PLEKHA8: variants seen among roughly 807,000 people sequenced by gnomAD.
The protein encoded by PLEKHA8 is pleckstrin homology domain containing A8, also known as pleckstrin homology domain-containing family A member 8.
PLEKHA8 carries 36 observed loss-of-function variants against 68.2 expected under a neutral mutation model. The ratio of observed to expected loss-of-function variants is 0.53; its 90% CI spans 0.40 to 0.70. PLEKHA8 has a LOEUF of 0.70. PLEKHA8 is among the 30% of genes least tolerant of loss of function. The pLI, the probability that PLEKHA8 is intolerant of heterozygous loss-of-function variation, is 0.00. For missense variants in PLEKHA8, 505 were observed against 615.4 expected (o/e 0.82, Z 1.90); for synonymous variants, 211 against 216.1 (o/e 0.98, Z 0.20).
intron 13 of PLEKHA8, among the ~76,000 whole-genome samples, chr7:30,111,299 G>A (rs1010470228): frequency 2.6e-5 from 4 of 152,002 alleles, no homozygotes; most frequent in Non-Finnish European, 4.4e-5. Flanking sequence ...GAAAATGTTT[G>A]TCAAAAATCA....
chr7:30,125,129 A>G (rs1796752435), intron 13 of PLEKHA8, among the ~76,000 whole-genome samples: 1 of 152,122 alleles, frequency 6.6e-6, no homozygotes, highest in African/African-American at 2.4e-5. Context: ...AAAATCACAA[A>G]CTTGTTTCTT....
chr7:30,118,208 T>C (rs2128023537), intron 13 of PLEKHA8: 1 of 420,566 alleles, frequency 2.4e-6, no homozygotes, highest in Non-Finnish European at 4.1e-6. Flanking sequence ...TTAAGTGAGA[T>C]CTAAAATGCC....
intron 3 of PLEKHA8, 25 bp from the exon 4 acceptor site, chr7:30,047,807 G>A (rs1792072780): frequency 6.2e-7 from 1 of 1,601,074 alleles, no homozygotes; most frequent in African/African-American, 1.3e-5. Flanking sequence ...TCTGGTTACT[G>A]CATTATCATC....
intron 12 of PLEKHA8, among the ~76,000 whole-genome samples, chr7:30,066,482 T>G (rs891704180): frequency 6.6e-6 from 1 of 152,132 alleles, no homozygotes; most frequent in Non-Finnish European, 1.5e-5. Context: ...GAGTGGAACA[T>G]TTTGGGTGGT....
chr7:30,091,990 A>G (rs528168527), downstream of PLEKHA8, among the ~76,000 whole-genome samples: 1 of 152,312 alleles, frequency 6.6e-6, no homozygotes, highest in East Asian at 1.9e-4. Context: ...CCTTATGTTC[A>G]TAGAAGCCCG....
intron 13 of PLEKHA8, among the ~76,000 whole-genome samples, chr7:30,098,906 G>A (rs527851578): frequency 3.9e-5 from 6 of 152,266 alleles, no homozygotes; most frequent in East Asian, 1.9e-4. Context: ...CTTCTGCGTC[G>A]CTCACGCTGG....
downstream of PLEKHA8, among the ~76,000 whole-genome samples, chr7:30,093,279 T>C (rs1290873527): frequency 6.6e-6 from 1 of 152,224 alleles, no homozygotes; most frequent in Admixed American, 6.5e-5. Context: ...AACCACTGTG[T>C]GAAAAACTTC....
chr7:30,089,509 G>A (rs11975522), downstream of PLEKHA8, among the ~76,000 whole-genome samples: 21,838 of 152,162 alleles, frequency 0.14, 1,605 homozygotes, highest in Middle Eastern at 0.19. Context: ...TAGGGGAAGC[G>A]AAATAGATGC....
At chr7:30,084,843 G>A (rs899703183), downstream of PLEKHA8, among the ~76,000 whole-genome samples, 5 of 152,142 alleles carry the variant, frequency 3.3e-5, no homozygotes, top group African/African-American at 1.2e-4. Context: ...GGAAAACTGA[G>A]GCATATATTG....
intron 1 of PLEKHA8, among the ~76,000 whole-genome samples, chr7:30,043,199 G>T (rs1276760486): frequency 1.3e-5 from 2 of 152,148 alleles, no homozygotes; most frequent in Non-Finnish European, 2.9e-5. Flanking sequence ...TTTCGCCATT[G>T]TTGCCCAGGC....
At chr7:30,066,308 T>C (rs1438499342) in intron 12 of PLEKHA8, among the ~76,000 whole-genome samples, 1 of 152,248 alleles carries the variant, frequency 6.6e-6, no homozygotes, top group Non-Finnish European at 1.5e-5. Flanking sequence ...AATAACATTG[T>C]AGAAGCCTTG....
chr7:30,096,883 T>G (rs553593807), intron 13 of PLEKHA8, among the ~76,000 whole-genome samples: 10 of 152,332 alleles, frequency 6.6e-5, no homozygotes, highest in African/African-American at 2.4e-4. Context: ...GTTAGCTGGT[T>G]ATTTTGCTCG....
At chr7:30,074,295 T>C (rs1198043132) in intron 13 of PLEKHA8, among the ~76,000 whole-genome samples, 163 bp downstream of exon 13, 2 of 151,066 alleles carry the variant, frequency 1.3e-5, no homozygotes, top group African/African-American at 4.9e-5. Flanking sequence ...TTTTGTTTGC[T>C]TTGTTTTTGA....
chr7:30,047,194 CAG>C (rs1163707301), intron 3 of PLEKHA8, among the ~76,000 whole-genome samples: 1 of 152,022 alleles, frequency 6.6e-6, no homozygotes, highest in Non-Finnish European at 1.5e-5. Flanking sequence ...GGCTTTGACT[CAG>C]AGCAGATAGT....
Position 30,098,285 on chromosome 7 carries a change from G to A in PLEKHA8, c.1362+24153G>A, listed in dbSNP as rs890963605. ...CTACTCGGGGGTCAGGGACCCACTTGAGGAGGCAGTCTGCCTGTTCTCAGA... is the reference window on the plus strand; with the variant it reads ...CTACTCGGGGGTCAGGGACCCACTTAAGGAGGCAGTCTGCCTGTTCTCAGA... On this transcript the variant is annotated intron_variant, in intron 13 of 13. Transcript: ENST00000396257. Among the ~76,000 whole-genome samples, 67 of 152,370 alleles carry A rather than the reference G, an allele frequency of 4.4e-4. 1 individual carries two copies. Among genetic ancestry groups the A allele is most frequent in the Middle Eastern group, 3.4e-3 (1 of 294 alleles).
intron 9 of PLEKHA8, among the ~76,000 whole-genome samples, chr7:30,058,808 CA>C (rs1279829517): frequency 6.6e-6 from 1 of 152,056 alleles, no homozygotes; most frequent in Non-Finnish European, 1.5e-5. Context: ...ATCTCTAAAC[CA>C]ATTAGGGGAA....
chr7:30,097,216 C>G (rs548697120), intron 13 of PLEKHA8, among the ~76,000 whole-genome samples: 5 of 152,306 alleles, frequency 3.3e-5, no homozygotes, highest in Admixed American at 1.3e-4. Flanking sequence ...TGATGAACTT[C>G]CCTTTGTGGG....
intron 9 of PLEKHA8, among the ~76,000 whole-genome samples, chr7:30,056,810 ATATGT>A (rs1448046457): frequency 1.4e-5 from 2 of 143,480 alleles, no homozygotes; most frequent in African/African-American, 5.1e-5. Flanking sequence ...ATGTGTATAT[ATATGT>A]TATGTATATA....
chr7:30,090,468 T>G (rs746939386), exon 13 of PLEKHA8: 1 of 291,788 alleles, frequency 3.4e-6, no homozygotes, highest in Non-Finnish European at 6.4e-6. Flanking sequence ...ATAGGAAAGA[T>G]GAACCAAATA....
Sources: gnomAD v4.1 joint callset for allele counts (sites outside exome capture counted in the v4.1 genomes callset) on GRCh38, gnomAD v4.1.1 for gene constraint, MANE v1.5 for transcripts, NCBI Gene and HGNC (gene_info 2026-07-23, HGNC 2026-07-21) for gene names.